The following TEX14 variants were observed in gnomAD, a reference collection of about 807,000 sequenced individuals.
The protein encoded by TEX14 is inactive serine/threonine-protein kinase TEX14.
In TEX14, 168 loss-of-function variants were observed where a neutral mutation model predicts 178.6. The observed-to-expected ratio is 0.94, with a 90% CI of 0.83 to 1.07. The LOEUF (loss-of-function observed/expected upper bound fraction) is 1.07. Among genes scored for constraint, TEX14 ranks in the 50% least tolerant of loss-of-function variants. The probability of loss-of-function intolerance (pLI) is 0.00; values close to 1 mark genes in which losing one functional copy is unlikely to be tolerated. For missense variants in TEX14, 1,730 were observed against 1,753.6 expected (o/e 0.99, Z 0.24); for synonymous variants, 626 against 634.1 (o/e 0.99, Z 0.19).
chr17:58,601,084 A>T (rs1364850788), intron 13 of TEX14, among the ~76,000 whole-genome samples: 1 of 143,766 alleles, frequency 7.0e-6, no homozygotes, highest in Non-Finnish European at 1.5e-5. Context: ...CCTCATCTCT[A>T]AAAAAAAAAA....
intron 28 of TEX14, among the ~76,000 whole-genome samples, chr17:58,563,697 A>G (rs2044333517): frequency 4.0e-5 from 1 of 24,774 alleles, no homozygotes; most frequent in Non-Finnish European, 7.8e-5. Context: ...AGAGAGAGAG[A>G]GAGAGCGCAA....
rs1424598325 is a variant in TEX14 at position 58,599,299 on chromosome 17, T to C, written c.2046A>G (p.Ser682=). The C allele has an allele frequency of 6.2e-7, 1 of 1,613,410 alleles. No homozygotes were observed. Among genetic ancestry groups the C allele is most frequent in the East Asian group, 2.2e-5 (1 of 44,886 alleles). The part of the protein sequence containing the change: ...CCFGSEDESS[S]KAETEYSFDD... ...CAAAAGAGTACTCTGTCTCAGCTTT[T>C]GAAGAGCTCTCATCCTCACTGCCAA... is the stretch of plus-strand genomic sequence containing the variant. The change falls in exon 14 of 32, where the codon TCA becomes TCG. Residue 682 remains serine (S), a synonymous_variant. Transcript: ENST00000349033.
chr17:58,654,417 G>T lies in TEX14; in HGVS notation c.-1-2415C>A, dbSNP rs963286817. ...GTTAAAGATTAGATATAGATTGAAT[G>T]AAACACTCCACCTTGTAGGTGCACT... On this transcript the variant is annotated intron_variant, in intron 1 of 31. Coordinates refer to ENST00000349033, the MANE Select transcript of TEX14 (RefSeq NM_031272.5). 2.0e-5 allele frequency among the ~76,000 whole-genome samples: 3 copies of T among 150,056 alleles called. No individual in the cohort carries two copies. The East Asian group carries it at 5.9e-4, about 30-fold the overall frequency.
chr17:58,572,022 G>C lies in TEX14; in HGVS notation c.3616C>G (p.Gln1206Glu). ...CTTATAAAGTCATCAGACAAAGTTT[G>C]AATAAATTCTTGACTGTTCCAGCAA... ...ASCWNSQEFI[Q>E]TLSDDFISVR... Residue 1206 changes from glutamine to glutamate, a missense_variant, in exon 24 of 32, where the codon CAA becomes GAA. By Grantham distance (29) the Gln-to-Glu change is conservative. Coordinates refer to ENST00000349033, the MANE Select transcript of TEX14 (RefSeq NM_031272.5). 6.2e-7 allele frequency: 1 copy of C among 1,614,052 alleles called. No homozygotes were observed. The highest frequency in any genetic ancestry group is 1.3e-5 in the African/African-American group (1 of 75,030).
intron 4 of TEX14, 35 bp from the exon 5 acceptor site, chr17:58,621,821 C>A: frequency 6.3e-7 from 1 of 1,584,632 alleles, no homozygotes; most frequent in Non-Finnish European, 8.6e-7. Flanking sequence ...AGTGCGGGCG[C>A]ACCAGTTCTC....
chr17:58,605,156 G>C, intron 10 of TEX14, 27 bp from the exon 11 acceptor site: 1 of 1,609,232 alleles, frequency 6.2e-7, no homozygotes, highest in South Asian at 1.1e-5. Flanking sequence ...ACAAGTCAGC[G>C]CTCATGCCTT....
rs183316768 is a variant in TEX14 at position 58,614,050 on chromosome 17, C to G, written c.882-506G>C. 3.9e-5 allele frequency among the ~76,000 whole-genome samples: 6 copies of G among 152,240 alleles called. No individual in the cohort carries two copies. The East Asian group carries it at 5.8e-4, about 15-fold the overall frequency. On this transcript the variant is annotated intron_variant, in intron 8 of 31. Coordinates refer to ENST00000349033, the MANE Select transcript of TEX14 (RefSeq NM_031272.5). Reference sequence around the variant, plus strand: ...GAATCTGTGGCCCTAACTGATGAGACCTTGAGAGCTTAGAGCCATCAATGA... The same window carrying G: ...GAATCTGTGGCCCTAACTGATGAGAGCTTGAGAGCTTAGAGCCATCAATGA...
chr17:58,676,369 T>G, intron 1 of TEX14, among the ~76,000 whole-genome samples: 1 of 145,360 alleles, frequency 6.9e-6, no homozygotes, highest in Admixed American at 7.0e-5. Context: ...AGAGAGAAAA[T>G]CCATCTCAAA....
chr17:58,678,267 C>T (rs1488832513), intron 1 of TEX14, among the ~76,000 whole-genome samples: 1 of 152,130 alleles, frequency 6.6e-6, no homozygotes, highest in Non-Finnish European at 1.5e-5. Flanking sequence ...GACAGTGTGG[C>T]GATTCCTCAA....
At chr17:58,682,328 G>T (rs2143565103) in intron 1 of TEX14, among the ~76,000 whole-genome samples, 1 of 151,404 alleles carries the variant, frequency 6.6e-6, no homozygotes, top group Admixed American at 6.6e-5. Context: ...TGCCATCTCA[G>T]CTCACTGCCA....
intron 2 of TEX14, chr17:58,631,709 A>G (rs1221342101): frequency 6.6e-6 from 1 of 150,878 alleles, no homozygotes; most frequent in Non-Finnish European, 1.5e-5. Context: ...ATAACGCAAC[A>G]CCAAACACTG....
At chr17:58,691,838 T>G (rs1001823036) in intron 1 of TEX14, 101 bp downstream of exon 1, 3 of 152,128 alleles carry the variant, frequency 2.0e-5, no homozygotes, top group Non-Finnish European at 4.4e-5. Context: ...TGAACACCCC[T>G]TCCCAAGTCT....
At chr17:58,631,886 T>C (rs1317608742) in intron 2 of TEX14, 5 of 152,186 alleles carry the variant, frequency 3.3e-5, no homozygotes, top group African/African-American at 7.2e-5. Context: ...ACACATATTA[T>C]GCTGATGGTG....
chr17:58,571,912 T>TA lies in TEX14; in HGVS notation c.3717+8dup, dbSNP rs761173950. On this transcript the variant is annotated intron_variant, in intron 24 of 31. Transcript: ENST00000349033. ...CCATGAGTTTGTAACGTGGAATTGA[T>TA]ATACTTACAAGACCAGTCAGTCTTG... 1.9e-6 allele frequency: 3 copies of TA among 1,612,234 alleles called. No individual in the cohort carries two copies. The African/African-American group carries it at 4.0e-5, about 22-fold the overall frequency.
At chr17:58,632,198 C>G (rs548503165) in intron 2 of TEX14, among the ~76,000 whole-genome samples, 2 of 152,132 alleles carry the variant, frequency 1.3e-5, no homozygotes, top group Non-Finnish European at 2.9e-5. Flanking sequence ...GAAGGCCCTT[C>G]GAGAATAACC....
chr17:58,669,755 A>AG (rs2047274317), intron 1 of TEX14, among the ~76,000 whole-genome samples: 1 of 151,624 alleles, frequency 6.6e-6, no homozygotes, highest in South Asian at 2.1e-4. Flanking sequence ...AAAAAAAAAA[A>AG]AGCCAGCAAC....
At position 58,599,069 on chromosome 17, in the gene TEX14, T is replaced by C. The variant is rs771692293; in HGVS notation, c.2276A>G (p.Glu759Gly). Reference sequence around the variant, plus strand: ...CTCTTCCTGTTCCTTCTGTTTCATCTCGACTTCATCTAATATCTGCTCGAT... The same window carrying C: ...CTCTTCCTGTTCCTTCTGTTTCATCCCGACTTCATCTAATATCTGCTCGAT... ...RNIEQILDEV[E>G]MKQKEQEERM... Residue 759 changes from glutamate (E) to glycine (G), a missense_variant, in exon 14 of 32, where the codon GAG becomes GGG. Physicochemically the swap from Glu to Gly is moderately conservative, Grantham distance 98 (BLOSUM62 -2). Around this residue, in one of 2 missense-constraint regions of TEX14, gnomAD observed 941 missense variants for 1,072.4 expected, o/e 0.88. Transcript: ENST00000349033. The C allele has an allele frequency of 1.2e-6, 2 of 1,614,222 alleles. No homozygotes were observed. Among genetic ancestry groups the C allele is most frequent in the Non-Finnish European group, 1.7e-6 (2 of 1,180,036 alleles).
At chr17:58,570,632 T>C (rs2044501397) in intron 24 of TEX14, 148 bp from the exon 25 acceptor site, 1 of 462,068 alleles carries the variant, frequency 2.2e-6, no homozygotes, top group African/African-American at 2.3e-5. Context: ...TTTTTTTTTT[T>C]TTTTTTTTTT....
At chr17:58,629,563 G>A (rs2046231635) in intron 3 of TEX14, among the ~76,000 whole-genome samples, 1 of 150,744 alleles carries the variant, frequency 6.6e-6, no homozygotes, top group Non-Finnish European at 1.5e-5. Context: ...GGTGGCTCAC[G>A]CCTGTAATCC....
Sources: allele counts gnomAD v4.1 joint callset (sites outside exome capture counted in the v4.1 genomes callset), GRCh38; gene constraint gnomAD v4.1.1; regional missense constraint gnomAD v4.1.1; transcripts MANE v1.5; gene names NCBI Gene and HGNC (gene_info 2026-07-23, HGNC 2026-07-21).